SBF2: variants seen among roughly 807,000 people sequenced by gnomAD.
SBF2 encodes myotubularin-related protein 13.
Under a neutral mutation model 225.2 loss-of-function variants are expected in SBF2, and 112 were observed. That is an observed-to-expected ratio of 0.50 (90% confidence interval 0.43 to 0.58). SBF2 has a LOEUF of 0.58. Ranked by LOEUF, SBF2 falls within the 20% of genes least tolerant of loss-of-function variation. The probability of loss-of-function intolerance (pLI) is 0.00; values close to 1 mark genes in which losing one functional copy is unlikely to be tolerated. For synonymous variants in SBF2, 763 were observed against 773.3 expected, an observed-to-expected ratio of 0.99 and a Z score of 0.22; for missense variants, 1,996 against 2,206.2, an observed-to-expected ratio of 0.90 and a Z score of 1.91.
At chr11:10,184,724 T>C (rs767056682) in intron 2 of SBF2, among the ~76,000 whole-genome samples, 4 of 152,192 alleles carry the variant, frequency 2.6e-5, no homozygotes, top group Admixed American at 1.3e-4. Flanking sequence ...GTTTTGTTTT[T>C]TATTGTTGTT....
intron 36 of SBF2, among the ~76,000 whole-genome samples, chr11:9,785,803 G>A (rs1021831819): frequency 5.3e-5 from 8 of 152,062 alleles, no homozygotes; most frequent in Admixed American, 6.5e-5. Context: ...AGTGAGCCAT[G>A]ATCACGCCAC....
intron 16 of SBF2, among the ~76,000 whole-genome samples, chr11:9,919,270 C>CTTT (rs779718076): frequency 8.2e-4 from 115 of 139,934 alleles, no homozygotes; most frequent in African/African-American, 1.8e-3. Flanking sequence ...TCTTCTTCTT[C>CTTT]TTTTTTTTTT....
Position 10,025,382 on chromosome 11 carries a change from T to TA in SBF2, c.619+3069dup, listed in dbSNP as rs767270041. ...CAACTCAAATTATGAGAGCTTTATA[T>TA]AAAAAAAAAATCCACCTTGGTAAAA... On this transcript the variant is annotated intron_variant, in intron 6 of 39. Coordinates refer to ENST00000256190, the MANE Select transcript of SBF2 (RefSeq NM_030962.4). Among the ~76,000 whole-genome samples the TA allele has an allele frequency of 7.9e-3, 1,180 of 150,290 alleles. 7 individuals carry two copies. The highest frequency in any genetic ancestry group is 0.013 in the African/African-American group (538 of 40,992).
intron 2 of SBF2, among the ~76,000 whole-genome samples, chr11:10,141,484 T>C (rs1224950524): frequency 6.6e-6 from 1 of 152,198 alleles, no homozygotes; most frequent in African/African-American, 2.4e-5. Flanking sequence ...AGAGGCTTGA[T>C]TCCCTTAGCT....
intron 1 of SBF2, among the ~76,000 whole-genome samples, chr11:10,238,448 C>A (rs1000824224): frequency 2.0e-5 from 3 of 151,992 alleles, no homozygotes; most frequent in Non-Finnish European, 4.4e-5. Context: ...AAAACACTAA[C>A]CAAAAGAAGG....
At chr11:10,131,966 A>C (rs980531254) in intron 2 of SBF2, among the ~76,000 whole-genome samples, 1 of 152,152 alleles carries the variant, frequency 6.6e-6, no homozygotes, top group South Asian at 2.1e-4. Context: ...TTTTCTCCTA[A>C]AAGTTTTATA....
In SBF2 at chr11:9,832,133, GA is replaced by G. The variant is rs1278259248; in HGVS notation, c.3652+90del. On this transcript the variant is annotated intron_variant, in intron 27 of 39. Coordinates refer to ENST00000256190, the MANE Select transcript of SBF2 (RefSeq NM_030962.4). ...GTTTGTGTGTGAGACAAGACTTGAT[GA>G]AAAGGCACCATTCCCAGATTTTACT... is the stretch of plus-strand genomic sequence containing the variant. 3 of 1,142,070 alleles carry G rather than the reference GA, an allele frequency of 2.6e-6. No homozygotes were observed. In the African/African-American group the frequency reaches 4.5e-5, roughly 17 times the overall value. 70.7% of individuals were successfully genotyped at this position (1,142,070 alleles called of 1,614,324 possible). A position where few individuals can be genotyped will look rare whatever the true frequency, so the allele number is the denominator to read the frequency against.
At chr11:9,900,352 C>T (rs1246675622) in intron 16 of SBF2, among the ~76,000 whole-genome samples, 1 of 152,176 alleles carries the variant, frequency 6.6e-6, no homozygotes, top group Non-Finnish European at 1.5e-5. Flanking sequence ...CACCCTGACT[C>T]ATTCCAGTTA....
At chr11:9,836,269 C>T (rs1855730384) in intron 26 of SBF2, among the ~76,000 whole-genome samples, 1 of 151,990 alleles carries the variant, frequency 6.6e-6, no homozygotes, top group South Asian at 2.1e-4. Context: ...TAATAACAAA[C>T]CTATTGTTTT....
At chr11:10,090,781 A>C (rs1410543905) in intron 2 of SBF2, among the ~76,000 whole-genome samples, 1 of 151,144 alleles carries the variant, frequency 6.6e-6, no homozygotes, top group Non-Finnish European at 1.5e-5. Context: ...AAAAAAAAAA[A>C]AAAAGCTATT....
At chr11:9,816,241 A>G (rs765413670) in intron 29 of SBF2, among the ~76,000 whole-genome samples, 7 of 152,206 alleles carry the variant, frequency 4.6e-5, no homozygotes, top group Non-Finnish European at 7.3e-5. Flanking sequence ...GAAGCTCTTT[A>G]GCGCAACAAT....
At chr11:9,880,046 T>C (rs540617191) in intron 17 of SBF2, among the ~76,000 whole-genome samples, 7 of 127,936 alleles carry the variant, frequency 5.5e-5, no homozygotes, top group African/African-American at 1.5e-4. Context: ...ATCGTGCCAC[T>C]GCACTCCAGC....
intron 14 of SBF2, 139 bp downstream of exon 14, chr11:9,968,202 C>A: frequency 2.7e-6 from 2 of 749,242 alleles, no homozygotes; most frequent in South Asian, 3.2e-5. Context: ...GAAACAGTTT[C>A]TGAGTATTGA....
At chr11:9,972,974 A>G (rs17356792) in intron 13 of SBF2, among the ~76,000 whole-genome samples, 30,749 of 152,176 alleles carry the variant, frequency 0.2, 3,992 homozygotes, top group Non-Finnish European at 0.3. Flanking sequence ...ATTTTGTTAA[A>G]TTATGATATA....
upstream of SBF2, among the ~76,000 whole-genome samples, chr11:10,297,251 T>G (rs1964557422): frequency 6.6e-6 from 1 of 151,974 alleles, no homozygotes; most frequent in Non-Finnish European, 1.5e-5. Context: ...GTAGAGATGT[T>G]GTATCATGAT....
chr11:10,009,812 G>C (rs1159125950), intron 6 of SBF2, among the ~76,000 whole-genome samples: 1 of 152,180 alleles, frequency 6.6e-6, no homozygotes, highest in African/African-American at 2.4e-5. Flanking sequence ...TCTGGTTCTA[G>C]ATACTGGAGG....
Position 10,238,514 on chromosome 11 carries a change from A to G in SBF2, c.56-44527T>C, listed in dbSNP as rs1646134474. ...CTTTCAGGAATACTTCATATTGAAA[A>G]AAGCTTGAATTCCACAAGAAGATTA... On this transcript the variant is annotated intron_variant, in intron 1 of 39. Transcript: ENST00000256190. Among the ~76,000 whole-genome samples the G allele has an allele frequency of 1.5e-5, 2 of 136,454 alleles. 1 individual carries two copies. Among genetic ancestry groups the G allele is most frequent in the Admixed American group, 1.4e-4 (2 of 13,914 alleles). The allele number at this position is 136,454 out of a possible 152,430, so 89.5% of individuals were successfully genotyped here. A position where few individuals can be genotyped will look rare whatever the true frequency, so the allele number is the denominator to read the frequency against.
chr11:10,202,202 C>G (rs528295645), intron 1 of SBF2, among the ~76,000 whole-genome samples: 1 of 152,154 alleles, frequency 6.6e-6, no homozygotes, highest in East Asian at 1.9e-4. Context: ...TATGGTTGTA[C>G]ATCAACATTT....
intron 2 of SBF2, among the ~76,000 whole-genome samples, chr11:10,120,832 C>G (rs1334223139): frequency 2.0e-5 from 3 of 152,202 alleles, no homozygotes; most frequent in Non-Finnish European, 4.4e-5. Context: ...GTTGATTAGG[C>G]TGGTCTCGAA....
Sources: gnomAD v4.1 joint callset for allele counts (sites outside exome capture counted in the v4.1 genomes callset) on GRCh38, gnomAD v4.1.1 for gene constraint, MANE v1.5 for transcripts, NCBI Gene and HGNC (gene_info 2026-07-23, HGNC 2026-07-21) for gene names.